The following SLC30A8 variants were observed in gnomAD, a reference collection of about 807,000 sequenced individuals.
SLC30A8 encodes proton-coupled zinc antiporter SLC30A8.
A neutral mutation model predicts 36.9 loss-of-function variants in SLC30A8; 27 were observed. That is an observed-to-expected ratio of 0.73 (90% CI 0.54 to 1.01). The LOEUF (loss-of-function observed/expected upper bound fraction) is 1.01, where lower values mean the gene tolerates loss of function less well. SLC30A8 is among the 50% of genes least tolerant of loss of function. The pLI, the probability that SLC30A8 is intolerant of heterozygous loss-of-function variation, is 0.00. For synonymous variants in SLC30A8, 164 were observed against 172.4 expected, an observed-to-expected ratio of 0.95 and a Z score of 0.38; for missense variants, 439 against 452.0, an observed-to-expected ratio of 0.97 and a Z score of 0.26.
At chr8:117,064,861 T>C (rs115268863) in intron 2 of SLC30A8, among the ~76,000 whole-genome samples, 2,307 of 151,978 alleles carry the variant, frequency 0.015, 51 homozygotes, top group African/African-American at 0.049. Flanking sequence ...TGAACAGGAG[T>C]GGATCATTGC....
intron 1 of SLC30A8, among the ~76,000 whole-genome samples, chr8:117,020,333 G>A (rs559708994): frequency 1.2e-3 from 182 of 152,158 alleles, no homozygotes; most frequent in African/African-American, 3.9e-3. Context: ...ATTAACTATC[G>A]TTTTATTCAT....
At chr8:117,037,379 A>G (rs995328900) in intron 1 of SLC30A8, among the ~76,000 whole-genome samples, 3 of 152,174 alleles carry the variant, frequency 2.0e-5, no homozygotes, top group Admixed American at 6.5e-5. Flanking sequence ...TTCGAAGACT[A>G]ACTGTGGAAT....
rs201389285 is a variant in SLC30A8 at position 117,125,003 on chromosome 8, TA to T, written c.-225-10269del. On this transcript the variant is annotated intron_variant, in intron 2 of 10. Coordinates refer to the SLC30A8 transcript ENST00000427715. ...ATGAAATGAAGGAAAACATCAACAATAAAAAAAATATTGAGATACCAAAATT... is the reference window on the plus strand; with the variant it reads ...ATGAAATGAAGGAAAACATCAACAATAAAAAAATATTGAGATACCAAAATT... 9.3e-3 allele frequency among the ~76,000 whole-genome samples: 1,411 copies of T among 151,764 alleles called. 24 individuals carry two copies. Among genetic ancestry groups the T allele is most frequent in the African/African-American group, 0.032 (1,310 of 41,444 alleles).
intron 1 of SLC30A8, among the ~76,000 whole-genome samples, chr8:116,988,897 T>A (rs1815539770): frequency 6.6e-6 from 1 of 152,212 alleles, no homozygotes; most frequent in Admixed American, 6.5e-5. Flanking sequence ...TTCCCATTCA[T>A]ATAGATTTTC....
chr8:117,041,013 C>A (rs1354032851), intron 2 of SLC30A8, among the ~76,000 whole-genome samples: 1 of 152,126 alleles, frequency 6.6e-6, no homozygotes, highest in East Asian at 1.9e-4. Context: ...GGGAGATAAA[C>A]TGAGGACCAG....
At chr8:117,007,668 A>G (rs1186336250) in intron 1 of SLC30A8, among the ~76,000 whole-genome samples, 1 of 152,204 alleles carries the variant, frequency 6.6e-6, no homozygotes, top group Non-Finnish European at 1.5e-5. Context: ...ACCTTATCTC[A>G]TTTGACCCTC....
At chr8:117,009,637 G>A (rs1268551202) in intron 1 of SLC30A8, among the ~76,000 whole-genome samples, 1 of 129,170 alleles carries the variant, frequency 7.7e-6, no homozygotes, top group Non-Finnish European at 1.9e-5. Flanking sequence ...TGTGAAGGCA[G>A]GCTGGGTTTT....
chr8:117,044,933 G>T (rs894311489), intron 2 of SLC30A8, among the ~76,000 whole-genome samples: 1 of 152,146 alleles, frequency 6.6e-6, no homozygotes, highest in African/African-American at 2.4e-5. Context: ...TGCAAATTCC[G>T]AGCTGTTGTG....
intron 2 of SLC30A8, among the ~76,000 whole-genome samples, chr8:117,148,585 C>T (rs2130970602): frequency 6.6e-6 from 1 of 152,204 alleles, no homozygotes; most frequent in East Asian, 1.9e-4. Context: ...TCAGTTTTCC[C>T]TCATCCAATT....
intron 1 of SLC30A8, among the ~76,000 whole-genome samples, chr8:116,958,341 AT>A (rs11296037): frequency 0.62 from 91,173 of 147,422 alleles, 27,743 homozygotes; most frequent in Middle Eastern, 0.66. Flanking sequence ...TTCCTTTAAC[AT>A]TTTTTTTTTT....
At chr8:116,982,410 T>G (rs1407743446) in intron 1 of SLC30A8, among the ~76,000 whole-genome samples, 1 of 152,188 alleles carries the variant, frequency 6.6e-6, no homozygotes, top group Non-Finnish European at 1.5e-5. Context: ...ATAGGCTGAT[T>G]GATGGAAACA....
chr8:117,032,247 G>C (rs1817078045), intron 1 of SLC30A8, among the ~76,000 whole-genome samples: 1 of 150,800 alleles, frequency 6.6e-6, no homozygotes, highest in Non-Finnish European at 1.5e-5. Context: ...CTCAGTACTT[G>C]TCAAAGTTTA....
intron 1 of SLC30A8, among the ~76,000 whole-genome samples, chr8:116,978,567 T>C (rs2130636796): frequency 6.6e-6 from 1 of 152,310 alleles, no homozygotes; most frequent in South Asian, 2.1e-4. Flanking sequence ...TATTGCTTGC[T>C]CTTTTTTTCC....
At chr8:116,976,010 A>G (rs1051318548) in intron 1 of SLC30A8, among the ~76,000 whole-genome samples, 3 of 152,302 alleles carry the variant, frequency 2.0e-5, no homozygotes, top group Admixed American at 6.5e-5. Context: ...CTAGAAGCCA[A>G]TAAGGAAGGG....
At chr8:116,974,982 A>G (rs1037733878) in intron 1 of SLC30A8, among the ~76,000 whole-genome samples, 33 of 141,322 alleles carry the variant, frequency 2.3e-4, no homozygotes, top group Non-Finnish European at 4.5e-4. Flanking sequence ...TGGGAATTGA[A>G]CAATGAGAAC....
intron 2 of SLC30A8, among the ~76,000 whole-genome samples, chr8:117,068,570 T>A (rs1818235842): frequency 6.6e-6 from 1 of 152,134 alleles, no homozygotes; most frequent in African/African-American, 2.4e-5. Context: ...ACTTTATTTT[T>A]ATTTTTTTGT....
At chr8:116,993,397 T>C (rs1815711176) in intron 1 of SLC30A8, among the ~76,000 whole-genome samples, 1 of 152,078 alleles carries the variant, frequency 6.6e-6, no homozygotes, top group Non-Finnish European at 1.5e-5. Context: ...GATTTGTTTG[T>C]AATTTAACTG....
intron 2 of SLC30A8, among the ~76,000 whole-genome samples, chr8:117,152,042 G>C (rs1822214984): frequency 6.6e-6 from 1 of 152,162 alleles, no homozygotes; most frequent in Admixed American, 6.5e-5. Flanking sequence ...GCGAGACAAG[G>C]TGAGTCTGAT....
intron 1 of SLC30A8, among the ~76,000 whole-genome samples, chr8:117,146,130 C>T (rs1821885147): frequency 6.6e-6 from 1 of 151,876 alleles, no homozygotes; most frequent in African/African-American, 2.4e-5. Context: ...TGAAATGTTC[C>T]TAGAATAAAG....
Sources: allele counts gnomAD v4.1 joint callset (sites outside exome capture counted in the v4.1 genomes callset), GRCh38; gene constraint gnomAD v4.1.1; transcripts MANE v1.5; gene names NCBI Gene and HGNC (gene_info 2026-07-23, HGNC 2026-07-21).